The following HIP1R variants were observed in gnomAD, a reference collection of about 807,000 sequenced individuals.
HIP1R encodes the protein huntingtin interacting protein 1 related.
A neutral mutation model predicts 144.2 loss-of-function variants in HIP1R; 135 were observed. The ratio of observed to expected loss-of-function variants is 0.94; its 90% CI spans 0.81 to 1.08. HIP1R has a LOEUF of 1.08. HIP1R is among the 50% of genes least tolerant of loss of function. HIP1R has a pLI of 0.00. For synonymous variants in HIP1R, 698 were observed against 612.8 expected (o/e 1.14, Z -2.05); for missense variants, 1,462 against 1,432.8 (o/e 1.02, Z -0.33).
At chr12:122,861,281 T>A (rs1049876638) in intron 30 of HIP1R, 27 bp from the exon 31 acceptor site, 3 of 1,613,460 alleles carry the variant, frequency 1.9e-6, no homozygotes, top group Non-Finnish European at 2.5e-6. Context: ...GAGGCTGGGC[T>A]GGGCTGAGCA....
At chr12:122,850,939 C>T (rs1334899808) in intron 6 of HIP1R, 28 bp downstream of exon 6, 3 of 1,590,596 alleles carry the variant, frequency 1.9e-6, no homozygotes, top group Non-Finnish European at 2.6e-6. Context: ...GCTACATAGC[C>T]AGTTCCCCTC....
chr12:122,851,092 G>A, intron 6 of HIP1R, 144 bp from the exon 7 acceptor site: 1 of 863,056 alleles, frequency 1.2e-6, no homozygotes, highest in Admixed American at 2.8e-5. Flanking sequence ...TGTACTTGAA[G>A]GACTGTCGTC....
At chr12:122,839,036 A>C (rs1163933360) in intron 1 of HIP1R, among the ~76,000 whole-genome samples, 2 of 152,226 alleles carry the variant, frequency 1.3e-5, no homozygotes, top group Non-Finnish European at 2.9e-5. Context: ...GCCATAAGGA[A>C]CTAATACATC....
intron 17 of HIP1R, 84 bp from the exon 18 acceptor site, chr12:122,856,937 A>C (rs1205188159): frequency 2.5e-5 from 24 of 965,446 alleles, no homozygotes; most frequent in East Asian, 5.3e-5. Context: ...ACTAACCCCC[A>C]GGGCCCAGTT....
chr12:122,848,666 CG>C (rs746738271), intron 3 of HIP1R, 58 bp downstream of exon 3: 3 of 1,593,716 alleles, frequency 1.9e-6, no homozygotes, highest in Non-Finnish European at 2.6e-6. Context: ...CGCGGACATG[CG>C]GGCTCTGGCC....
At chr12:122,845,504 C>A (rs976668400) in intron 1 of HIP1R, among the ~76,000 whole-genome samples, 1 of 152,190 alleles carries the variant, frequency 6.6e-6, no homozygotes, top group African/African-American at 2.4e-5. Context: ...CACAGGAGAC[C>A]ATGCCATGTG....
chr12:122,860,694 G>A lies in HIP1R; in HGVS notation c.2676G>A (p.Lys892=). Residue 892 remains lysine (K), a synonymous_variant, in exon 28 of 32, where the codon AAG becomes AAA. Coordinates refer to ENST00000253083, the MANE Select transcript of HIP1R (RefSeq NM_003959.3). ...GATQLVEAAD[K]VVLHTGKYEE... ...TGACCCGCAGGGAGGCAGCTGACAA[G>A]GTGGTGCTTCACACGGGCAAGTATG... 1 of 1,613,410 alleles carries A rather than the reference G, an allele frequency of 6.2e-7. No individual in the cohort carries two copies. Among genetic ancestry groups the A allele is most frequent in the South Asian group, 1.1e-5 (1 of 91,084 alleles).
chr12:122,850,351 T>TGG (rs1369455448), intron 5 of HIP1R: 1 of 440,296 alleles, frequency 2.3e-6, no homozygotes, highest in Non-Finnish European at 4.4e-6. Context: ...GCCGCTGGGT[T>TGG]GGGGGGGCCC....
At chr12:122,856,194 G>GCT in intron 14 of HIP1R, 31 bp downstream of exon 14, 1 of 1,611,890 alleles carries the variant, frequency 6.2e-7, no homozygotes, top group African/African-American at 1.3e-5. Flanking sequence ...AGGGGTCCAA[G>GCT]GGTGTGTCCC....
chr12:122,854,992 G>GCCGGTGGGGGAGAGGCTC (rs1422724657), intron 9 of HIP1R, 30 bp downstream of exon 9: 1 of 1,613,354 alleles, frequency 6.2e-7, no homozygotes, highest in East Asian at 2.2e-5. Context: ...CAGGATTGAG[G>GCCGGTGGGGGAGAGGCTC]CCGGTGGGGG....
chr12:122,839,222 T>C (rs960755710), intron 1 of HIP1R, among the ~76,000 whole-genome samples: 1 of 152,218 alleles, frequency 6.6e-6, no homozygotes, highest in African/African-American at 2.4e-5. Context: ...ATGCTAATGG[T>C]GAGTCCTGCC....
At chr12:122,858,043 G>C in intron 18 of HIP1R, 59 bp from the exon 19 acceptor site, 1 of 1,468,230 alleles carries the variant, frequency 6.8e-7, no homozygotes, top group Non-Finnish European at 9.1e-7. Context: ...TCCAGGGCTG[G>C]GGCACATCCT....
chr12:122,846,596 C>G (rs779053317), intron 1 of HIP1R, among the ~76,000 whole-genome samples: 3 of 152,206 alleles, frequency 2.0e-5, no homozygotes, highest in Non-Finnish European at 4.4e-5. Context: ...CCACCAGAGC[C>G]TCTGTGCATT....
chr12:122,839,600 A>C (rs1026397304), intron 1 of HIP1R, among the ~76,000 whole-genome samples: 2 of 152,212 alleles, frequency 1.3e-5, no homozygotes, highest in Admixed American at 1.3e-4. Flanking sequence ...GCCCCGGCAC[A>C]CAGTAGAGCA....
At chr12:122,835,346 G>C (rs2032845311), upstream of HIP1R, 1 of 985,654 alleles carries the variant, frequency 1.0e-6, no homozygotes, top group Non-Finnish European at 1.2e-6. Flanking sequence ...GGCGGGCGAG[G>C]CGTTTGCGGG....
Position 122,860,030 on chromosome 12 carries a change from C to T in HIP1R, c.2466-17C>T, listed in dbSNP as rs761977144. On this transcript the variant is annotated splice_polypyrimidine_tract_variant and intron_variant, in intron 24 of 31. Transcript: ENST00000253083. The stretch of plus-strand genomic sequence containing the variant: ...GCTCTGCAGAGCGGCAGCTAAGTCT[C>T]TCCTTCTCTCCCCCAGGATCCTCAA... The T allele has an allele frequency of 7.7e-6, 12 of 1,549,876 alleles. No individual in the cohort carries two copies. The highest frequency in any genetic ancestry group is 9.6e-6 in the Non-Finnish European group (11 of 1,148,848).
At position 122,861,357 on chromosome 12, in the gene HIP1R, T is replaced by C; in HGVS notation, c.3002T>C (p.Leu1001Pro). Residue 1001 changes from leucine to proline, a missense_variant, in exon 31 of 32, where the codon CTG (leucine) becomes CCG (proline). Physicochemically the swap from Leu to Pro is moderately conservative, Grantham distance 98. Transcript: ENST00000253083. ...ACGCTGGAGGCTGAACGCATGCGGCTGGGGGAGTTGCGGAAGCAACACTAC... is the reference window on the plus strand; with the variant it reads ...ACGCTGGAGGCTGAACGCATGCGGCCGGGGGAGTTGCGGAAGCAACACTAC... ...EKTLEAERMR[L>P]GELRKQHYVL... 4 of 1,613,606 alleles carry C rather than the reference T, an allele frequency of 2.5e-6. No individual in the cohort carries two copies. The highest frequency in any genetic ancestry group is 3.4e-6 in the Non-Finnish European group (4 of 1,179,934).
chr12:122,859,588 G>T, intron 23 of HIP1R, 52 bp downstream of exon 23: 4 of 1,461,980 alleles, frequency 2.7e-6, no homozygotes, highest in Non-Finnish European at 3.8e-6. Flanking sequence ...TTTGGGGGCC[G>T]GAGGCCCCAA....
At chr12:122,849,737 G>T in intron 4 of HIP1R, 138 bp from the exon 5 acceptor site, 1 of 625,670 alleles carries the variant, frequency 1.6e-6, no homozygotes, top group Non-Finnish European at 2.9e-6. Context: ...GACAGAGAGG[G>T]TGGTTGGTGG....
Sources: allele counts gnomAD v4.1 joint callset (sites outside exome capture counted in the v4.1 genomes callset), GRCh38; gene constraint gnomAD v4.1.1; transcripts MANE v1.5; gene names NCBI Gene and HGNC (gene_info 2026-07-23, HGNC 2026-07-21).